The following AFF3 variants were observed in gnomAD, a reference collection of about 807,000 sequenced individuals.
AFF3 encodes ALF transcription elongation factor 3.
In AFF3, 32 loss-of-function variants were observed where a neutral mutation model predicts 129.7. The observed-to-expected ratio is 0.25, with a 90% CI of 0.19 to 0.33. The LOEUF (loss-of-function observed/expected upper bound fraction) is 0.33. AFF3 is among the 10% of genes least tolerant of loss of function. The pLI is 1.00. For missense variants in AFF3, 1,373 were observed against 1,592.0 expected (o/e 0.86, Z 2.34); for synonymous variants, 644 against 635.4 (o/e 1.01, Z -0.20).
intron 7 of AFF3, among the ~76,000 whole-genome samples, chr2:100,003,511 C>G (rs71413860): frequency 0.025 from 3,790 of 152,202 alleles, 65 homozygotes; most frequent in Non-Finnish European, 0.037. Context: ...AAAGACTCAG[C>G]TACAACAACA....
At chr2:99,692,540 G>A (rs1675778364) in intron 11 of AFF3, among the ~76,000 whole-genome samples, 1 of 152,144 alleles carries the variant, frequency 6.6e-6, no homozygotes. Flanking sequence ...GGAGCAGTGA[G>A]CCTCATCCCA....
At chr2:100,083,942 G>A (rs1573377212) in intron 4 of AFF3, among the ~76,000 whole-genome samples, 1 of 152,136 alleles carries the variant, frequency 6.6e-6, no homozygotes, top group African/African-American at 2.4e-5. Flanking sequence ...TTCTGGCTCA[G>A]GCTCGAGATT....
At chr2:99,876,518 A>T (rs574201627) in intron 7 of AFF3, among the ~76,000 whole-genome samples, 1 of 152,090 alleles carries the variant, frequency 6.6e-6, no homozygotes, top group East Asian at 1.9e-4. Context: ...CTGTATCCTA[A>T]GGTACCATCA....
chr2:99,807,137 C>A (rs1686415486), intron 8 of AFF3, among the ~76,000 whole-genome samples: 1 of 152,156 alleles, frequency 6.6e-6, no homozygotes, highest in Non-Finnish European at 1.5e-5. Flanking sequence ...GTTGCTGTTC[C>A]CATGTTCATG....
At chr2:99,812,554 G>T (rs112127454) in intron 8 of AFF3, among the ~76,000 whole-genome samples, 2 of 152,270 alleles carry the variant, frequency 1.3e-5, no homozygotes, top group African/African-American at 4.8e-5. Flanking sequence ...AAAAAACATG[G>T]TCGTTGGTAT....
intron 12 of AFF3, among the ~76,000 whole-genome samples, chr2:99,671,125 G>A (rs1356576986): frequency 6.6e-6 from 1 of 152,132 alleles, no homozygotes; most frequent in Non-Finnish European, 1.5e-5. Flanking sequence ...CTAATAAAAA[G>A]CATACACAAT....
intron 13 of AFF3, among the ~76,000 whole-genome samples, chr2:99,623,548 GA>G (rs1235910590): frequency 4.6e-5 from 7 of 152,216 alleles, no homozygotes; most frequent in Non-Finnish European, 1.5e-5. Flanking sequence ...GAGTGAGGTT[GA>G]GCCAGGTATC....
intron 8 of AFF3, among the ~76,000 whole-genome samples, chr2:99,798,079 C>G (rs1451387804): frequency 1.3e-5 from 2 of 151,856 alleles, no homozygotes; most frequent in South Asian, 4.1e-4. Flanking sequence ...GAGTTGATAA[C>G]ATATACAAGT....
At chr2:99,955,408 A>T (rs1226411577) in intron 7 of AFF3, among the ~76,000 whole-genome samples, 1 of 152,182 alleles carries the variant, frequency 6.6e-6, no homozygotes. Context: ...TGAACTCAAG[A>T]TGTTTTGAGT....
At chr2:99,878,731 T>G (rs560126533) in intron 7 of AFF3, among the ~76,000 whole-genome samples, 1 of 152,308 alleles carries the variant, frequency 6.6e-6, no homozygotes, top group Non-Finnish European at 1.5e-5. Flanking sequence ...TTGGAAATAA[T>G]GAAGTCTCCC....
In AFF3 at chr2:99,559,989, G is replaced by A. The variant is rs894547071; in HGVS notation, c.3191+376C>T. Among the ~76,000 whole-genome samples the A allele has an allele frequency of 7.9e-5, 12 of 152,340 alleles. No homozygotes were observed. The Middle Eastern group carries it at 0.01, about 130-fold the overall frequency. On this transcript the variant is annotated intron_variant, in intron 21 of 24. Transcript: ENST00000672756. ...CAAAGTAAGCGGCTGCGCCGGGTGC[G>A]ATGGCTCACGCCTGTAATCCCAGCA... is the stretch of plus-strand genomic sequence containing the variant.
chr2:99,924,877 A>C (rs898090260), intron 7 of AFF3, among the ~76,000 whole-genome samples: 10 of 144,422 alleles, frequency 6.9e-5, no homozygotes, highest in African/African-American at 2.5e-4. Flanking sequence ...TGATTTATTA[A>C]TTTTTTTTTT....
At chr2:99,928,866 C>T (rs970895067) in intron 7 of AFF3, among the ~76,000 whole-genome samples, 3 of 152,152 alleles carry the variant, frequency 2.0e-5, no homozygotes, top group African/African-American at 7.2e-5. Flanking sequence ...CTCAGACCCA[C>T]TCTCTTGAAG....
chr2:99,557,966 T>C (rs575063999), intron 22 of AFF3, among the ~76,000 whole-genome samples: 7 of 152,340 alleles, frequency 4.6e-5, no homozygotes, highest in African/African-American at 1.4e-4. Context: ...TAATTATTAA[T>C]GTAAGGTCGA....
intron 7 of AFF3, among the ~76,000 whole-genome samples, chr2:99,934,971 C>T (rs1282881796): frequency 6.6e-6 from 1 of 152,194 alleles, no homozygotes; most frequent in East Asian, 1.9e-4. Context: ...TGAAGGTCAC[C>T]TTCTCTGAAC....
chr2:100,107,457 T>C (rs973499875), intron 2 of AFF3: 32 of 985,112 alleles, frequency 3.2e-5, no homozygotes, highest in Non-Finnish European at 3.9e-5. Context: ...GGGAACTTTT[T>C]TATGTAAAAG....
intron 7 of AFF3, among the ~76,000 whole-genome samples, chr2:99,886,552 C>A (rs965539199): frequency 6.6e-6 from 1 of 152,110 alleles, no homozygotes; most frequent in Admixed American, 6.5e-5. Flanking sequence ...ACTGCCTCCC[C>A]CTCCATGCTA....
intron 11 of AFF3, among the ~76,000 whole-genome samples, chr2:99,680,120 T>C (rs1674385141): frequency 6.6e-6 from 1 of 152,200 alleles, no homozygotes; most frequent in African/African-American, 2.4e-5. Flanking sequence ...CTTAGGGCAA[T>C]CTAGGCCACA....
At chr2:99,983,731 G>A (rs935328828) in intron 7 of AFF3, among the ~76,000 whole-genome samples, 2 of 152,146 alleles carry the variant, frequency 1.3e-5, no homozygotes, top group Non-Finnish European at 1.5e-5. Flanking sequence ...GAGTTACTCA[G>A]GTAATTGTTC....
Sources: allele counts gnomAD v4.1 joint callset (sites outside exome capture counted in the v4.1 genomes callset), GRCh38; gene constraint gnomAD v4.1.1; transcripts MANE v1.5; gene names NCBI Gene and HGNC (gene_info 2026-07-23, HGNC 2026-07-21).